CNTN5: variants seen among roughly 807,000 people sequenced by gnomAD.
CNTN5 encodes the protein contactin-5.
A neutral mutation model predicts 129.1 loss-of-function variants in CNTN5; 77 were observed. That is an observed-to-expected ratio of 0.60 (90% CI 0.50 to 0.72). The LOEUF is 0.72. Among genes scored for constraint, CNTN5 ranks in the 30% least tolerant of loss-of-function variants. The pLI, the probability that CNTN5 is intolerant of heterozygous loss-of-function variation, is 0.00. For synonymous variants in CNTN5, 509 were observed against 465.6 expected, an observed-to-expected ratio of 1.09 and a Z score of -1.20; for missense variants, 1,478 against 1,328.8, an observed-to-expected ratio of 1.11 and a Z score of -1.75.
chr11:99,141,344 T>C (rs1450604033), intron 1 of CNTN5, among the ~76,000 whole-genome samples: 1 of 152,130 alleles, frequency 6.6e-6, no homozygotes, highest in Non-Finnish European at 1.5e-5. Flanking sequence ...TTGAGGTCAA[T>C]GGTAATGTAG....
chr11:100,044,189 A>G (rs929268981), intron 9 of CNTN5, among the ~76,000 whole-genome samples: 4 of 151,862 alleles, frequency 2.6e-5, no homozygotes, highest in South Asian at 4.2e-4. Context: ...TATATACGTG[A>G]TATGTATATA....
chr11:100,318,283 T>G (rs1951610554), intron 21 of CNTN5, among the ~76,000 whole-genome samples: 1 of 150,914 alleles, frequency 6.6e-6, no homozygotes, highest in African/African-American at 2.4e-5. Flanking sequence ...TTTTTCACTC[T>G]TCAACATGAA....
chr11:99,382,844 ACTTT>A (rs1287370343), intron 2 of CNTN5, among the ~76,000 whole-genome samples: 4 of 69,420 alleles, frequency 5.8e-5, no homozygotes, highest in South Asian at 6.5e-4. Flanking sequence ...TCTCTAAATA[ACTTT>A]TTTTTTTTTT....
chr11:100,168,725 T>C (rs1476933456), intron 13 of CNTN5, among the ~76,000 whole-genome samples: 1 of 152,034 alleles, frequency 6.6e-6, no homozygotes, highest in African/African-American at 2.4e-5. Flanking sequence ...AGTAATTTAA[T>C]TTTCAAGTCT....
intron 1 of CNTN5, among the ~76,000 whole-genome samples, chr11:99,301,845 A>C (rs557606875): frequency 2.6e-5 from 4 of 151,808 alleles, no homozygotes; most frequent in Non-Finnish European, 4.4e-5. Flanking sequence ...GACAATCGTA[A>C]ATAAGTTTAA....
chr11:99,547,473 A>G (rs1948338277), intron 2 of CNTN5, among the ~76,000 whole-genome samples: 1 of 152,218 alleles, frequency 6.6e-6, no homozygotes, highest in African/African-American at 2.4e-5. Context: ...GCTAAACTGT[A>G]TGTAAAAGAG....
At chr11:99,540,520 A>G (rs1468091752) in intron 2 of CNTN5, among the ~76,000 whole-genome samples, 4 of 152,200 alleles carry the variant, frequency 2.6e-5, no homozygotes. Context: ...GGCCTGGGAT[A>G]CAAACTAATT....
At chr11:99,631,824 T>C (rs1591390047) in intron 3 of CNTN5, among the ~76,000 whole-genome samples, 3 of 152,216 alleles carry the variant, frequency 2.0e-5, no homozygotes, top group Admixed American at 2.0e-4. Flanking sequence ...TTGCTTTCTG[T>C]GGTTGTAGTT....
chr11:99,405,532 T>C (rs904278570), intron 2 of CNTN5, among the ~76,000 whole-genome samples: 1 of 151,928 alleles, frequency 6.6e-6, no homozygotes. Context: ...ATTTTTCACC[T>C]ACAGGATTTC....
intron 4 of CNTN5, among the ~76,000 whole-genome samples, chr11:99,823,062 CG>C (rs1946850294): frequency 6.6e-6 from 1 of 152,166 alleles, no homozygotes; most frequent in Non-Finnish European, 1.5e-5. Context: ...TGAGTAGTCA[CG>C]TGAGTGAGTT....
chr11:99,472,323 A>G (rs1260891263), intron 2 of CNTN5, among the ~76,000 whole-genome samples: 1 of 152,184 alleles, frequency 6.6e-6, no homozygotes, highest in Non-Finnish European at 1.5e-5. Flanking sequence ...GTACATGAGC[A>G]GTTTATCATA....
intron 2 of CNTN5, among the ~76,000 whole-genome samples, chr11:99,404,563 A>G (rs1449914952): frequency 6.6e-6 from 1 of 152,076 alleles, no homozygotes; most frequent in African/African-American, 2.4e-5. Flanking sequence ...TTCAAACACT[A>G]TCTTATAACC....
At chr11:99,973,050 A>T (rs1591507562) in intron 8 of CNTN5, among the ~76,000 whole-genome samples, 2 of 151,906 alleles carry the variant, frequency 1.3e-5, no homozygotes, top group African/African-American at 2.4e-5. Context: ...AGGGTTGCCT[A>T]AAAAAAGGTG....
At chr11:99,297,702 G>T (rs1277041360) in intron 1 of CNTN5, among the ~76,000 whole-genome samples, 2 of 152,046 alleles carry the variant, frequency 1.3e-5, no homozygotes, top group East Asian at 3.9e-4. Flanking sequence ...TAAAATACTG[G>T]CTTCGATCTC....
intron 3 of CNTN5, among the ~76,000 whole-genome samples, chr11:99,688,476 A>G (rs1032950099): frequency 5.3e-5 from 8 of 152,224 alleles, no homozygotes; most frequent in Non-Finnish European, 1.2e-4. Context: ...TGGGATAAGT[A>G]AATTGGTGTA....
intron 1 of CNTN5, among the ~76,000 whole-genome samples, chr11:99,037,862 A>G (rs990417876): frequency 2.0e-5 from 3 of 152,034 alleles, no homozygotes; most frequent in South Asian, 2.1e-4. Context: ...GTGCCTGGCC[A>G]GGACATCTCT....
chr11:99,302,545 G>T (rs12419590), intron 1 of CNTN5, among the ~76,000 whole-genome samples: 3,617 of 151,676 alleles, frequency 0.024, 313 homozygotes, highest in East Asian at 0.24. Context: ...ATATTTTCAG[G>T]ATACATGTGA....
intron 7 of CNTN5, among the ~76,000 whole-genome samples, chr11:99,930,980 G>A (rs957258377): frequency 4.6e-5 from 7 of 151,912 alleles, no homozygotes; most frequent in African/African-American, 1.4e-4. Context: ...TTTCCTTTGT[G>A]AGTAAAAAAT....
intron 13 of CNTN5, among the ~76,000 whole-genome samples, chr11:100,184,493 A>G (rs1345773938): frequency 6.6e-6 from 1 of 152,218 alleles, no homozygotes; most frequent in Non-Finnish European, 1.5e-5. Flanking sequence ...AGTGGCTTCC[A>G]GAAGCTGAAA....
Sources: gnomAD v4.1 joint callset for allele counts (sites outside exome capture counted in the v4.1 genomes callset) on GRCh38, gnomAD v4.1.1 for gene constraint, MANE v1.5 for transcripts, NCBI Gene and HGNC (gene_info 2026-07-23, HGNC 2026-07-21) for gene names.